The following PCDHGA10 variants were observed in gnomAD, a reference collection of about 807,000 sequenced individuals.
PCDHGA10 encodes the protein protocadherin gamma subfamily A, 10, also known as protocadherin gamma-A10.
In PCDHGA10, 42 loss-of-function variants were observed where a neutral mutation model predicts 59.5. That is an observed-to-expected ratio of 0.71 (90% confidence interval 0.55 to 0.91). The LOEUF is 0.91. Ranked by LOEUF, PCDHGA10 falls within the 40% of genes least tolerant of loss-of-function variation. The probability of loss-of-function intolerance (pLI) is 0.00; values close to 1 mark genes in which losing one functional copy is unlikely to be tolerated. For synonymous variants in PCDHGA10, 511 were observed against 517.2 expected, an observed-to-expected ratio of 0.99 and a Z score of 0.16; for missense variants, 1,111 against 1,198.2, an observed-to-expected ratio of 0.93 and a Z score of 1.07.
chr5:141,450,183 A>G (rs1461369835), intron 1 of PCDHGA10, among the ~76,000 whole-genome samples: 1 of 151,558 alleles, frequency 6.6e-6, no homozygotes, highest in Non-Finnish European at 1.5e-5. Context: ...ACACCCAGCT[A>G]ATTTTTGTAT....
Position 141,490,162 on chromosome 5 carries a change from A to C in PCDHGA10, c.2437-4645A>C. ...TGGGGCAATCCATGTGTTGGGTCCC[A>C]TAGACTTTGAGGAGTCACGTTTCTA... On this transcript the variant is annotated intron_variant, in intron 1 of 3. Coordinates refer to ENST00000398610, the MANE Select transcript of PCDHGA10 (RefSeq NM_018913.3). The surrounding 1 kb of genome is among the most constrained non-coding windows in gnomAD (Gnocchi z 5.4). The C allele has an allele frequency of 6.2e-7, 1 of 1,614,218 alleles. No individual in the cohort carries two copies. The highest frequency in any genetic ancestry group is 8.5e-7 in the Non-Finnish European group (1 of 1,180,028).
rs778851755 is a variant in PCDHGA10, at chr5:141,477,795, G to A, written c.2437-17012G>A. ...AGCGTGAACATATTTGTCACTGATC[G>A]CAATGACAATGCCCCCCAGGTCCTA... On this transcript the variant is annotated intron_variant, in intron 1 of 3. Coordinates refer to ENST00000398610, the MANE Select transcript of PCDHGA10 (RefSeq NM_018913.3). This position sits in a 1 kb window ranked among gnomAD's most constrained non-coding sequence, Gnocchi z 4.9. The A allele has an allele frequency of 3.1e-6, 5 of 1,613,946 alleles. No individual in the cohort carries two copies. In the African/African-American group the frequency reaches 6.7e-5, roughly 22 times the overall value.
chr5:141,456,824 G>A (rs2098890304), intron 1 of PCDHGA10, among the ~76,000 whole-genome samples: 2 of 152,170 alleles, frequency 1.3e-5, no homozygotes, highest in South Asian at 2.1e-4. Context: ...ATTAGCCATC[G>A]TGGTAGTGGG....
Position 141,431,199 on chromosome 5 carries a change from C to T in PCDHGA10, c.2436+15588C>T. 1 of 1,614,194 alleles carries T rather than the reference C, an allele frequency of 6.2e-7. No homozygotes were observed. Among genetic ancestry groups the T allele is most frequent in the East Asian group, 2.2e-5 (1 of 44,890 alleles). ...GAAATAAAAATTAGTGAAAATGCAG[C>T]CACTGAGATGCGGTTCCCTCTACCC... On this transcript the variant is annotated intron_variant, in intron 1 of 3. Transcript: ENST00000398610. This position sits in a 1 kb window ranked among gnomAD's most constrained non-coding sequence, Gnocchi z 4.8.
chr5:141,504,287 T>C (rs1191226511), intron 2 of PCDHGA10, among the ~76,000 whole-genome samples: 2 of 152,166 alleles, frequency 1.3e-5, no homozygotes, highest in Non-Finnish European at 2.9e-5. Flanking sequence ...AATCATTTCA[T>C]GTTTTTTCAA....
Position 141,489,316 on chromosome 5 carries a change from T to C in PCDHGA10, c.2437-5491T>C, listed in dbSNP as rs2099685399. On this transcript the variant is annotated intron_variant, in intron 1 of 3. Transcript: ENST00000398610. This position sits in a 1 kb window ranked among gnomAD's most constrained non-coding sequence, Gnocchi z 4.5. The stretch of plus-strand genomic sequence containing the variant: ...CATGTTGTCCTTGTGCTGCTGGGGC[T>C]GGGTGTCTGGGCAGCTTCGTTACTC... The C allele has an allele frequency of 1.3e-6, 2 of 1,597,946 alleles. No individual in the cohort carries two copies. Among genetic ancestry groups the C allele is most frequent in the Admixed American group, 1.7e-5 (1 of 58,864 alleles).
Position 141,432,028 on chromosome 5 carries a change from C to T in PCDHGA10, c.2436+16417C>T, listed in dbSNP as rs776543767. ...TTCCTAGCTACAACATCACAGTGAC[C>T]GCCACTGACCGGGGAACCCCGCCCC... On this transcript the variant is annotated intron_variant, in intron 1 of 3. Coordinates refer to ENST00000398610, the MANE Select transcript of PCDHGA10 (RefSeq NM_018913.3). The surrounding 1 kb of genome is among the most constrained non-coding windows in gnomAD (Gnocchi z 6.0). The T allele has an allele frequency of 1.1e-5, 18 of 1,614,050 alleles. No individual in the cohort carries two copies. The highest frequency in any genetic ancestry group is 9.9e-5 in the South Asian group (9 of 91,090).
At chr5:141,461,738 C>A (rs2099021378) in intron 1 of PCDHGA10, among the ~76,000 whole-genome samples, 1 of 150,904 alleles carries the variant, frequency 6.6e-6, no homozygotes. Flanking sequence ...TGGCACAATC[C>A]CGGCTCCCAG....
In PCDHGA10 at chr5:141,414,949, G is replaced by A. The variant is rs774769957; in HGVS notation, c.1774G>A (p.Val592Met). The change falls in exon 1 of 4, where the codon GTG (valine) becomes ATG (methionine). Residue 592 changes from valine (V) to methionine (M), a missense_variant. By Grantham distance (21) the Val-to-Met change is conservative. Transcript: ENST00000398610. Reference protein sequence around the residue: ...APRSAEPGYLVTKVVAVDRDS... With the variant: ...APRSAEPGYLMTKVVAVDRDS... ...CCGCTCCGCAGAGCCCGGCTACCTGGTGACCAAGGTGGTGGCGGTGGACAG... is the reference window on the plus strand; with the variant it reads ...CCGCTCCGCAGAGCCCGGCTACCTGATGACCAAGGTGGTGGCGGTGGACAG... The A allele has an allele frequency of 8.1e-6, 13 of 1,614,096 alleles. 1 individual carries two copies. The South Asian group carries it at 1.4e-4, about 18-fold the overall frequency.
intron 1 of PCDHGA10, chr5:141,419,646 C>T (rs1433992932): frequency 6.2e-7 from 1 of 1,612,470 alleles, no homozygotes; most frequent in Admixed American, 1.7e-5. Flanking sequence ...GCCGTGGACG[C>T]GGACTCGGGG....
intron 1 of PCDHGA10, among the ~76,000 whole-genome samples, chr5:141,488,238 C>T (rs374846692): frequency 5.3e-5 from 8 of 152,036 alleles, no homozygotes; most frequent in Non-Finnish European, 1.0e-4. Flanking sequence ...GAACTAGATG[C>T]GGTAAATTGG....
intron 1 of PCDHGA10, among the ~76,000 whole-genome samples, chr5:141,442,736 A>C (rs2098340663): frequency 6.6e-6 from 1 of 152,226 alleles, no homozygotes; most frequent in African/African-American, 2.4e-5. Flanking sequence ...CCTGTAGGTA[A>C]GGAGCATGTT....
At chr5:141,460,961 A>ATATGTGTG (rs1463306338) in intron 1 of PCDHGA10, among the ~76,000 whole-genome samples, 3 of 144,556 alleles carry the variant, frequency 2.1e-5, no homozygotes, top group African/African-American at 7.8e-5. Context: ...GTATATATAT[A>ATATGTGTG]TGTGTGTGTG....
intron 1 of PCDHGA10, among the ~76,000 whole-genome samples, chr5:141,459,613 C>T (rs1040874685): frequency 2.6e-5 from 4 of 152,188 alleles, no homozygotes; most frequent in African/African-American, 9.7e-5. Context: ...ATATGCTTAA[C>T]TTTATAAGAA....
rs1197249074 is a variant in PCDHGA10 at position 141,438,579 on chromosome 5, CATACATACATACATATATAT to C, written c.2436+22972_2436+22991del. ...AAGAGGCAGCTGTCTGATATACATACATACATACATACATATATATATATATATATATATATATATATATA... is the reference window on the plus strand; with the variant it reads ...AAGAGGCAGCTGTCTGATATACATACATATATATATATATATATATATATA... On this transcript the variant is annotated intron_variant, in intron 1 of 3. Transcript: ENST00000398610. Among the ~76,000 whole-genome samples the C allele has an allele frequency of 5.3e-3, 298 of 55,734 alleles. 1 individual carries two copies. Among genetic ancestry groups the C allele is most frequent in the Admixed American group, 0.022 (77 of 3,542 alleles). The allele number at this position is 55,734 out of a possible 152,430, so 36.6% of individuals were successfully genotyped here.
intron 1 of PCDHGA10, chr5:141,421,414 C>A (rs2096570568): frequency 1.9e-6 from 3 of 1,614,066 alleles, no homozygotes; most frequent in South Asian, 2.2e-5. Flanking sequence ...GCTGGCGAAG[C>A]GCGGAGTCCG....
chr5:141,446,854 C>T (rs1474444931), intron 1 of PCDHGA10, among the ~76,000 whole-genome samples: 1 of 152,134 alleles, frequency 6.6e-6, no homozygotes, highest in Non-Finnish European at 1.5e-5. Context: ...AATAAGCTTC[C>T]TGATAGCTCT....
At chr5:141,445,178 A>G (rs768321514) in intron 1 of PCDHGA10, among the ~76,000 whole-genome samples, 2 of 152,218 alleles carry the variant, frequency 1.3e-5, no homozygotes, top group Admixed American at 1.3e-4. Context: ...ATGAAAAACT[A>G]TGTTTTTATG....
At chr5:141,492,402 C>A (rs1254310448) in intron 1 of PCDHGA10, among the ~76,000 whole-genome samples, 1 of 152,232 alleles carries the variant, frequency 6.6e-6, no homozygotes, top group African/African-American at 2.4e-5. Flanking sequence ...TCGCAGCTCC[C>A]CTCTGCCGCT....
Sources: allele counts gnomAD v4.1 joint callset (sites outside exome capture counted in the v4.1 genomes callset), GRCh38; gene constraint gnomAD v4.1.1; non-coding constraint Gnocchi (gnomAD v3.1); transcripts MANE v1.5; gene names NCBI Gene and HGNC (gene_info 2026-07-23, HGNC 2026-07-21).